Variants in ATP13A5 observed in about 807,000 individuals in gnomAD.
ATP13A5 encodes the protein probable cation-transporting ATPase 13A5.
ATP13A5 carries 149 observed loss-of-function variants against 150.2 expected under a neutral mutation model. The observed-to-expected ratio is 0.99, with a 90% CI of 0.87 to 1.14. ATP13A5 has a LOEUF of 1.14. Ranked by LOEUF, ATP13A5 falls within the 50% of genes most tolerant of loss-of-function variation. The pLI is 0.00. For synonymous variants in ATP13A5, 497 were observed against 522.2 expected, an observed-to-expected ratio of 0.95 and a Z score of 0.66; for missense variants, 1,383 against 1,449.3, an observed-to-expected ratio of 0.95 and a Z score of 0.74.
rs1713046286 is a variant in ATP13A5, at chr3:193,362,412, A to G, written c.505T>C (p.Leu169=). 6.2e-7 allele frequency: 1 copy of G among 1,613,962 alleles called. No individual in the cohort carries two copies. Among genetic ancestry groups the G allele is most frequent in the South Asian group, 1.1e-5 (1 of 91,080 alleles). The change falls in exon 5 of 30, where the codon TTG becomes CTG. Residue 169 remains leucine (L), a synonymous_variant. Transcript: ENST00000342358. ...TCTTGCTCTTCACTGGTCAGACCCA[A>G]TCCAAATGTCTGATGGATGTCAGAG... ...SCSDIHQTFG[L]GLTSEEQEVR...
chr3:193,362,817 C>T (rs1406390171), intron 3 of ATP13A5, among the ~76,000 whole-genome samples, 180 bp from the exon 4 acceptor site: 1 of 140,462 alleles, frequency 7.1e-6, no homozygotes, highest in Non-Finnish European at 1.6e-5. Flanking sequence ...TTCTTTCAGA[C>T]AGGGTCTCAC....
intron 25 of ATP13A5, among the ~76,000 whole-genome samples, chr3:193,290,962 C>T (rs561283192): frequency 1.3e-5 from 2 of 152,242 alleles, no homozygotes; most frequent in East Asian, 1.9e-4. Context: ...CTTCTCACAG[C>T]TTATCACTGG....
intron 17 of ATP13A5, 127 bp from the exon 18 acceptor site, chr3:193,315,223 G>T: frequency 1.0e-6 from 1 of 990,724 alleles, no homozygotes; most frequent in Non-Finnish European, 1.4e-6. Context: ...AAATCAAAAT[G>T]AACTTAAAAG....
chr3:193,359,357 G>T (rs1220715883), intron 5 of ATP13A5, among the ~76,000 whole-genome samples: 4 of 152,090 alleles, frequency 2.6e-5, no homozygotes, highest in Non-Finnish European at 5.9e-5. Flanking sequence ...TAAGAGAGTA[G>T]GGTCTCACAG....
intron 17 of ATP13A5, among the ~76,000 whole-genome samples, chr3:193,318,133 G>A (rs1719120919): frequency 6.6e-6 from 1 of 152,168 alleles, no homozygotes; most frequent in South Asian, 2.1e-4. Flanking sequence ...ATATTTTATA[G>A]ATGGTGAAAC....
Position 193,295,210 on chromosome 3 carries a change from C to T in ATP13A5, c.2848+3921G>A, listed in dbSNP as rs149117146. On this transcript the variant is annotated intron_variant, in intron 25 of 29. Coordinates refer to ENST00000342358, the MANE Select transcript of ATP13A5 (RefSeq NM_198505.4). ...ATTTTTCAATAAAAGATTTCACATA[C>T]GCTGCAGTGTGGTCACATTAAAAGC... Among the ~76,000 whole-genome samples the T allele has an allele frequency of 2.9e-3, 445 of 152,184 alleles. 5 individuals carry two copies. Among genetic ancestry groups the T allele is most frequent in the African/African-American group, 9.6e-3 (399 of 41,530 alleles).
intron 10 of ATP13A5, 34 bp from the exon 11 acceptor site, chr3:193,333,941 G>A (rs1711745641): frequency 6.3e-7 from 1 of 1,585,762 alleles, no homozygotes. Context: ...AAGTAAGGCT[G>A]CTTGATGGAC....
intron 20 of ATP13A5, 98 bp from the exon 21 acceptor site, chr3:193,310,815 A>C (rs1718816679): frequency 3.7e-6 from 3 of 803,060 alleles, no homozygotes; most frequent in Non-Finnish European, 3.9e-6. Flanking sequence ...TTACTAATTT[A>C]ATACAGCATT....
intron 1 of ATP13A5, among the ~76,000 whole-genome samples, chr3:193,376,252 A>G (rs1459161611): frequency 6.6e-6 from 1 of 152,166 alleles, no homozygotes; most frequent in Non-Finnish European, 1.5e-5. Context: ...AGAGTCTGGG[A>G]AGTCCAAGAT....
Position 193,351,081 on chromosome 3 carries a change from A to G in ATP13A5, c.727T>C (p.Tyr243His). Residue 243 changes from tyrosine (Y) to histidine (H), a missense_variant, in exon 7 of 30, where the codon TAT becomes CAT. By Grantham distance (83) the Tyr-to-His change is moderately conservative. Coordinates refer to ENST00000342358, the MANE Select transcript of ATP13A5 (RefSeq NM_198505.4). ...TCAGGTCTTACCTGTCGCAAATCAT[A>G]CACACTTAAGACAATGGAGATAACA... Reference protein sequence around the residue: ...LTVISIVLSVYDLRQQSVKLH... With the variant: ...LTVISIVLSVHDLRQQSVKLH... 1 of 1,613,048 alleles carries G rather than the reference A, an allele frequency of 6.2e-7. No homozygotes were observed. Among genetic ancestry groups the G allele is most frequent in the Non-Finnish European group, 8.5e-7 (1 of 1,179,354 alleles).
At chr3:193,354,871 T>G (rs951125918) in intron 5 of ATP13A5, among the ~76,000 whole-genome samples, 1 of 151,492 alleles carries the variant, frequency 6.6e-6, no homozygotes, top group Non-Finnish European at 1.5e-5. Context: ...ATTTTGCCAA[T>G]GGAAGAAATT....
rs1202503386 is a variant in ATP13A5, at chr3:193,307,355, A to C, written c.2540T>G (p.Met847Arg). 1 of 1,613,790 alleles carries C rather than the reference A, an allele frequency of 6.2e-7. No homozygotes were observed. Among genetic ancestry groups the C allele is most frequent in the Admixed American group, 1.7e-5 (1 of 59,966 alleles). The change falls in exon 22 of 30, where the codon ATG becomes AGG. Residue 847 changes from methionine (M) to arginine (R), a missense_variant. Transcript: ENST00000342358. ...ACAGTCGTTAGCTCCATCTCCACAC[A>C]TGCCCACATAATAACTGCGGGAGAC... ...EFQKLNYYVG[M>R]CGDGANDCGA...
intron 18 of ATP13A5, 64 bp from the exon 19 acceptor site, chr3:193,314,257 G>T: frequency 6.5e-7 from 1 of 1,547,328 alleles, no homozygotes; most frequent in Non-Finnish European, 8.8e-7. Context: ...AAGAACTGAG[G>T]TCTCCCTTTT....
At chr3:193,306,390 C>T (rs181178800) in intron 22 of ATP13A5, among the ~76,000 whole-genome samples, 15 of 152,032 alleles carry the variant, frequency 9.9e-5, no homozygotes, top group African/African-American at 1.4e-4. Flanking sequence ...TTATTCTAAA[C>T]GCCACATAAT....
At chr3:193,324,724 G>T in intron 14 of ATP13A5, 140 bp downstream of exon 14, 2 of 866,426 alleles carry the variant, frequency 2.3e-6, no homozygotes, top group Non-Finnish European at 3.5e-6. Flanking sequence ...GGCACAGGTT[G>T]GGAAGTTCTG....
At chr3:193,366,842 G>C (rs1026757027) in intron 1 of ATP13A5, among the ~76,000 whole-genome samples, 2 of 151,946 alleles carry the variant, frequency 1.3e-5, no homozygotes, top group Non-Finnish European at 1.5e-5. Context: ...AGCACATTCT[G>C]AGACATAAAG....
At chr3:193,300,976 A>G (rs529194233) in intron 24 of ATP13A5, among the ~76,000 whole-genome samples, 14 of 152,274 alleles carry the variant, frequency 9.2e-5, no homozygotes, top group African/African-American at 3.1e-4. Context: ...GGAGAGGTGA[A>G]GAGTCTCAGG....
chr3:193,310,767 T>G (rs1718813810), intron 20 of ATP13A5, 50 bp from the exon 21 acceptor site: 1 of 1,469,548 alleles, frequency 6.8e-7, no homozygotes, highest in Admixed American at 2.1e-5. Flanking sequence ...AAGAAAACTT[T>G]TAAAAATAAA....
intron 16 of ATP13A5, among the ~76,000 whole-genome samples, chr3:193,320,115 C>T (rs895248680): frequency 2.2e-4 from 34 of 152,202 alleles, no homozygotes; most frequent in African/African-American, 8.0e-4. Flanking sequence ...AACCACAGAA[C>T]AATGGGAGGT....
Sources: allele counts gnomAD v4.1 joint callset (sites outside exome capture counted in the v4.1 genomes callset), GRCh38; gene constraint gnomAD v4.1.1; transcripts MANE v1.5; gene names NCBI Gene and HGNC (gene_info 2026-07-23, HGNC 2026-07-21).